Variants in ANKRD30B observed in about 807,000 individuals in gnomAD.
The protein encoded by ANKRD30B is ankyrin repeat domain-containing protein 30B.
In ANKRD30B, 144 loss-of-function variants were observed where a neutral mutation model predicts 202.2. That is an observed-to-expected ratio of 0.71 (90% CI 0.62 to 0.82). ANKRD30B has a LOEUF of 0.82. Ranked by LOEUF, ANKRD30B falls within the 40% of genes least tolerant of loss-of-function variation. The pLI, the probability that ANKRD30B is intolerant of heterozygous loss-of-function variation, is 0.00. For synonymous variants in ANKRD30B, 508 were observed against 561.3 expected (o/e 0.91, Z 1.34); for missense variants, 1,487 against 1,669.1 (o/e 0.89, Z 1.90).
At chr18:14,761,200 G>C (rs114602006) in intron 6 of ANKRD30B, among the ~76,000 whole-genome samples, 1 of 152,076 alleles carries the variant, frequency 6.6e-6, no homozygotes, top group Non-Finnish European at 1.5e-5. Flanking sequence ...ACCTGCGGGG[G>C]TCTATCCTGC....
At chr18:14,758,794 T>G (rs886646163) in intron 5 of ANKRD30B, among the ~76,000 whole-genome samples, 1 of 152,336 alleles carries the variant, frequency 6.6e-6, no homozygotes, top group East Asian at 1.9e-4. Context: ...AGTTTAAGAC[T>G]GTACGACAGG....
At chr18:14,845,266 G>A (rs2143215840) in intron 39 of ANKRD30B, among the ~76,000 whole-genome samples, 1 of 151,164 alleles carries the variant, frequency 6.6e-6, no homozygotes, top group East Asian at 1.9e-4. Context: ...GTTAATTTTT[G>A]TATAAGGTGT....
chr18:14,936,457 T>A, the ANKRD30B span, among the ~76,000 whole-genome samples: 4 of 152,072 alleles, frequency 2.6e-5, no homozygotes, highest in Non-Finnish European at 5.9e-5. Context: ...GGCCCAGCAA[T>A]CCACATTTAT....
In ANKRD30B at chr18:14,752,727, T is replaced by C. The variant is rs768351086; in HGVS notation, c.336+47T>C. 1.4e-5 allele frequency: 22 copies of C among 1,550,516 alleles called. 1 individual carries two copies. The highest frequency in any genetic ancestry group is 2.0e-5 in the Admixed American group (1 of 50,924). ...CAGCGGGAGATGGATTTGGTTTAAA[T>C]ACATAGAATAAAAATGAATTTAGTT... On this transcript the variant is annotated intron_variant, in intron 2 of 43. Coordinates refer to ENST00000690538, the MANE Select transcript of ANKRD30B (RefSeq NM_001367607.2).
chr18:14,892,085 C>T, the ANKRD30B span, among the ~76,000 whole-genome samples: 2 of 152,222 alleles, frequency 1.3e-5, no homozygotes, highest in African/African-American at 4.8e-5. Flanking sequence ...AAGGTCTTAG[C>T]ATTGTAAAAT....
rs1470886174 is a variant in ANKRD30B at position 14,810,285 on chromosome 18, G to T, written c.2488+105G>T. ...AGTTGTTTTCTTTTGAAAATTTGAT[G>T]GGAAAATTTGATACAAATAATGCAA... On this transcript the variant is annotated intron_variant, in intron 28 of 43. Transcript: ENST00000690538. The T allele has an allele frequency of 4.1e-6, 3 of 725,248 alleles. No homozygotes were observed. In the South Asian group the frequency reaches 6.5e-5, roughly 16 times the overall value. 44.9% of individuals were successfully genotyped at this position (725,248 alleles called of 1,614,324 possible). A position where few individuals can be genotyped will look rare whatever the true frequency, so the allele number is the denominator to read the frequency against.
chr18:14,825,195 A>T (rs1970610057), intron 32 of ANKRD30B: 1 of 152,120 alleles, frequency 6.6e-6, no homozygotes, highest in South Asian at 2.1e-4. Flanking sequence ...TGAGGGTTCC[A>T]TCACGATCCT....
At chr18:14,764,311 G>A (rs1179863745) in intron 7 of ANKRD30B, among the ~76,000 whole-genome samples, 1 of 124,140 alleles carries the variant, frequency 8.1e-6, no homozygotes, top group Admixed American at 8.2e-5. Flanking sequence ...CTAACTAACA[G>A]TGGCTAAAAT....
chr18:14,804,702 G>A (rs1327629347), intron 24 of ANKRD30B, among the ~76,000 whole-genome samples: 2 of 150,634 alleles, frequency 1.3e-5, no homozygotes, highest in South Asian at 4.2e-4. Context: ...TTTTTAGTTA[G>A]GGGAGAAGAA....
chr18:14,819,073 A>T (rs1372744893), intron 30 of ANKRD30B, among the ~76,000 whole-genome samples: 13 of 152,128 alleles, frequency 8.5e-5, no homozygotes, highest in Admixed American at 7.2e-4. Flanking sequence ...GTGAGATGGT[A>T]TCTCATAGTG....
At chr18:14,826,801 T>A (rs1970689945) in intron 32 of ANKRD30B, among the ~76,000 whole-genome samples, 1 of 151,858 alleles carries the variant, frequency 6.6e-6, no homozygotes. Flanking sequence ...CTGTGGATAG[T>A]ATGGAACCCT....
At chr18:14,771,995 A>C (rs1202221841) in intron 8 of ANKRD30B, among the ~76,000 whole-genome samples, 161 bp from the exon 9 acceptor site, 1 of 152,222 alleles carries the variant, frequency 6.6e-6, no homozygotes, top group African/African-American at 2.4e-5. Flanking sequence ...ACATATTTTA[A>C]TTCTACCAAG....
At chr18:14,847,050 TTATATATATATATATATATATATATA>T (rs56871571) in intron 39 of ANKRD30B, among the ~76,000 whole-genome samples, 66,958 of 112,084 alleles carry the variant, frequency 0.6, 17,595 homozygotes, top group Middle Eastern at 0.67. Context: ...TGATTTAGTT[TTATATATATATATATATATATATATA>T]TATATATATA....
chr18:14,898,006 C>T, the ANKRD30B span, among the ~76,000 whole-genome samples: 1 of 152,116 alleles, frequency 6.6e-6, no homozygotes, highest in African/African-American at 2.4e-5. Context: ...TCTTCTATTC[C>T]TAATTCTCAT....
intron 42 of ANKRD30B, among the ~76,000 whole-genome samples, 138 bp from the exon 43 acceptor site, chr18:14,853,671 T>C (rs978410023): frequency 2.3e-4 from 35 of 152,144 alleles, no homozygotes; most frequent in African/African-American, 8.4e-4. Flanking sequence ...TCTTGTGTCC[T>C]TAAGTAAATT....
chr18:14,770,706 T>G (rs1966936649), intron 8 of ANKRD30B, among the ~76,000 whole-genome samples: 1 of 152,062 alleles, frequency 6.6e-6, no homozygotes, highest in Non-Finnish European at 1.5e-5. Context: ...ACATTGGGAG[T>G]TATCTAGAAG....
chr18:14,910,527 T>C, the ANKRD30B span, among the ~76,000 whole-genome samples: 34 of 151,198 alleles, frequency 2.2e-4, no homozygotes, highest in South Asian at 5.0e-3. Flanking sequence ...CAGCCCTCCA[T>C]TGATGGACAT....
the ANKRD30B span, among the ~76,000 whole-genome samples, chr18:14,902,143 G>A: frequency 6.6e-5 from 10 of 152,098 alleles, no homozygotes; most frequent in Admixed American, 5.2e-4. Context: ...GGAGGAAACC[G>A]CTCCCATGAT....
the ANKRD30B span, among the ~76,000 whole-genome samples, chr18:14,874,483 A>T: frequency 6.6e-6 from 1 of 152,362 alleles, no homozygotes; most frequent in South Asian, 2.1e-4. Context: ...AATTTGTATG[A>T]ACATCAACCT....
Sources: allele counts gnomAD v4.1 joint callset (sites outside exome capture counted in the v4.1 genomes callset), GRCh38; gene constraint gnomAD v4.1.1; transcripts MANE v1.5; gene names NCBI Gene and HGNC (gene_info 2026-07-23, HGNC 2026-07-21).